The following RRP12 variants were observed in gnomAD, a reference collection of about 807,000 sequenced individuals.
RRP12 encodes the protein RRP12-like protein.
In RRP12, 78 loss-of-function variants were observed where a neutral mutation model predicts 157.3. The ratio of observed to expected loss-of-function variants is 0.50; its 90% CI spans 0.41 to 0.60. RRP12 has a LOEUF of 0.60. Among genes scored for constraint, RRP12 ranks in the 20% least tolerant of loss-of-function variants. The pLI is 0.00. For synonymous variants in RRP12, 726 were observed against 670.9 expected, an observed-to-expected ratio of 1.08 and a Z score of -1.27; for missense variants, 1,521 against 1,679.9, an observed-to-expected ratio of 0.91 and a Z score of 1.65.
intron 6 of RRP12, among the ~76,000 whole-genome samples, chr10:97,390,080 C>T (rs1404369702): frequency 6.6e-6 from 1 of 152,162 alleles, no homozygotes; most frequent in African/African-American, 2.4e-5. Context: ...CAAGGTCACA[C>T]CTCGAGCAGT....
intron 10 of RRP12, among the ~76,000 whole-genome samples, chr10:97,384,422 G>A (rs1414667619): frequency 6.7e-6 from 1 of 149,850 alleles, no homozygotes; most frequent in Non-Finnish European, 1.5e-5. Context: ...TTGGCAGCCA[G>A]GATGGTAGCC....
rs1402255753 is a variant in RRP12, at chr10:97,401,321, C to A, written c.-90G>T. The A allele has an allele frequency of 1.3e-6, 2 of 1,482,128 alleles. No homozygotes were observed. Among genetic ancestry groups the A allele is most frequent in the Admixed American group, 1.9e-5 (1 of 52,352 alleles). 91.8% of individuals were successfully genotyped at this position (1,482,128 alleles called of 1,614,324 possible). A position where few individuals can be genotyped will look rare whatever the true frequency, so the allele number is the denominator to read the frequency against. ...CAGAACCCACGTGGATACCCTGTAG[C>A]CTTCACTTCCTCTTCTTCTGGCGTC... On this transcript the variant is annotated 5_prime_UTR_variant, in exon 1 of 34. Transcript: ENST00000370992.
rs754215670 is a variant in RRP12, at chr10:97,367,032, T to C, written c.3047+9A>G. The C allele has an allele frequency of 1.9e-6, 3 of 1,614,084 alleles. No homozygotes were observed. The highest frequency in any genetic ancestry group is 2.5e-6 in the Non-Finnish European group (3 of 1,179,944). On this transcript the variant is annotated intron_variant, in intron 26 of 33. Coordinates refer to ENST00000370992, the MANE Select transcript of RRP12 (RefSeq NM_015179.4). Reference sequence around the variant, plus strand: ...TTGCCCTACCCCCGCCCCTGCTCAGTGCACAGACCCAAACTTGCGGATGAA... The same window carrying C: ...TTGCCCTACCCCCGCCCCTGCTCAGCGCACAGACCCAAACTTGCGGATGAA...
chr10:97,378,336 C>A (rs548053431), intron 15 of RRP12, among the ~76,000 whole-genome samples: 1 of 152,180 alleles, frequency 6.6e-6, no homozygotes, highest in Admixed American at 6.5e-5. Context: ...CCCTACACAC[C>A]TGGGCTATGT....
At chr10:97,364,745 G>T (rs1843928152) in intron 29 of RRP12, among the ~76,000 whole-genome samples, 1 of 152,276 alleles carries the variant, frequency 6.6e-6, no homozygotes, top group Admixed American at 6.5e-5. Context: ...AAGGGCTGAA[G>T]ACTGGGTTTC....
Position 97,396,312 on chromosome 10 carries a change from G to A in RRP12, c.370-11C>T, listed in dbSNP as rs779284475. 1 of 1,610,308 alleles carries A rather than the reference G, an allele frequency of 6.2e-7. No individual in the cohort carries two copies. The highest frequency in any genetic ancestry group is 8.5e-7 in the Non-Finnish European group (1 of 1,176,590). ...CAGAACAGCACAGATCTGCACAGGA[G>A]GGAGAAAGCACTGTGACTATTTTAG... On this transcript the variant is annotated splice_polypyrimidine_tract_variant and intron_variant, in intron 2 of 33. Coordinates refer to ENST00000370992, the MANE Select transcript of RRP12 (RefSeq NM_015179.4).
At chr10:97,379,215 A>C in intron 15 of RRP12, 78 bp downstream of exon 15, 2 of 1,535,696 alleles carry the variant, frequency 1.3e-6, no homozygotes, top group Non-Finnish European at 1.8e-6. Context: ...GGGACTCAGC[A>C]CCCTTCCCAA....
In RRP12 at chr10:97,379,640, A is replaced by G. The variant is rs750782594; in HGVS notation, c.1664T>C (p.Ile555Thr). 4 of 1,613,904 alleles carry G rather than the reference A, an allele frequency of 2.5e-6. No individual in the cohort carries two copies. The Admixed American group carries it at 5.0e-5, about 20-fold the overall frequency. The part of the protein sequence containing the change: ...EVVLQAVPLE[I>T]DGSEETLDFP... ...GGGCCACACTTACTCAGAGCCATCA[A>G]TTTCCAAAGGCACAGCCTGCAGCAC... The change falls in exon 14 of 34, where the codon ATT (isoleucine) becomes ACT (threonine). Residue 555 changes from isoleucine to threonine, a missense_variant. Coordinates refer to ENST00000370992, the MANE Select transcript of RRP12 (RefSeq NM_015179.4).
chr10:97,366,702 TG>T (rs1359698434), intron 27 of RRP12, 39 bp downstream of exon 27: 24 of 1,603,194 alleles, frequency 1.5e-5, no homozygotes, highest in Admixed American at 8.4e-5. Flanking sequence ...GCCCTTGGGT[TG>T]GGGGGACACC....
chr10:97,370,349 G>T, intron 23 of RRP12, 75 bp from the exon 24 acceptor site: 1 of 1,363,918 alleles, frequency 7.3e-7, no homozygotes. Flanking sequence ...GAGAGGAGCA[G>T]CCTGCCCAGG....
intron 20 of RRP12, 126 bp downstream of exon 20, chr10:97,371,947 G>C (rs930439325): frequency 1.6e-6 from 1 of 637,992 alleles, no homozygotes; most frequent in Non-Finnish European, 2.7e-6. Flanking sequence ...CACTGCAGGA[G>C]AAAGCAGACA....
At chr10:97,390,336 T>A in intron 6 of RRP12, 87 bp downstream of exon 6, 1 of 987,388 alleles carries the variant, frequency 1.0e-6, no homozygotes, top group Non-Finnish European at 1.6e-6. Flanking sequence ...AGCTCCCCAG[T>A]GCCACTCAGC....
At chr10:97,389,480 T>A (rs775167652) in intron 6 of RRP12, among the ~76,000 whole-genome samples, 6 of 152,032 alleles carry the variant, frequency 3.9e-5, no homozygotes, top group Non-Finnish European at 5.9e-5. Context: ...GAGGAAAAGA[T>A]CATGTGAGCA....
At position 97,369,431 on chromosome 10, in the gene RRP12, C is replaced by A; in HGVS notation, c.2949G>T (p.Gln983His). 6.2e-7 allele frequency: 1 copy of A among 1,611,728 alleles called. No homozygotes were observed. Among genetic ancestry groups the A allele is most frequent in the East Asian group, 2.2e-5 (1 of 44,828 alleles). Reference sequence around the variant, plus strand: ...GGGGAACGGGGACACTCACCACCAGCTGCACATGTTTGGCCAGGTGCGCCA... The same window carrying A: ...GGGGAACGGGGACACTCACCACCAGATGCACATGTTTGGCCAGGTGCGCCA... ...MDVAHLAKHV[Q>H]LVMEAIGKLS... Residue 983 changes from glutamine (Q) to histidine (H), a missense_variant, in exon 25 of 34, where the codon CAG becomes CAT. Gln to His is a conservative substitution (Grantham distance 24). Transcript: ENST00000370992.
chr10:97,371,360 C>G (rs1844149480), intron 20 of RRP12: 1 of 487,512 alleles, frequency 2.1e-6, no homozygotes, highest in East Asian at 3.4e-5. Context: ...TGGCACGCGC[C>G]AAGGCCTGCA....
chr10:97,373,309 G>T, intron 17 of RRP12, 109 bp from the exon 18 acceptor site: 1 of 1,209,776 alleles, frequency 8.3e-7, no homozygotes, highest in Non-Finnish European at 1.2e-6. Flanking sequence ...GGCAGGACTT[G>T]GAATCCATGG....
At chr10:97,373,807 G>T (rs371261533) in intron 16 of RRP12, 23 bp downstream of exon 16, 1 of 1,613,346 alleles carries the variant, frequency 6.2e-7, no homozygotes, top group South Asian at 1.1e-5. Context: ...TTCTCCCCAC[G>T]CCCTCCCCCA....
intron 23 of RRP12, 21 bp from the exon 24 acceptor site, chr10:97,370,295 G>T: frequency 6.4e-7 from 1 of 1,550,466 alleles, no homozygotes; most frequent in Non-Finnish European, 8.8e-7. Context: ...AGACCAACGT[G>T]GGTCAAGCAG....
At chr10:97,386,999 A>AG (rs1564765006) in intron 8 of RRP12, among the ~76,000 whole-genome samples, 2 of 135,866 alleles carry the variant, frequency 1.5e-5, no homozygotes, top group African/African-American at 5.7e-5. Flanking sequence ...CAAAAAAAAA[A>AG]AGAGAGAGAA....
Sources: allele counts gnomAD v4.1 joint callset (sites outside exome capture counted in the v4.1 genomes callset), GRCh38; gene constraint gnomAD v4.1.1; transcripts MANE v1.5; gene names NCBI Gene and HGNC (gene_info 2026-07-23, HGNC 2026-07-21).